SOAT1: variants seen among roughly 807,000 people sequenced by gnomAD.
SOAT1 encodes the protein sterol O-acyltransferase 1.
A neutral mutation model predicts 69.5 loss-of-function variants in SOAT1; 55 were observed. The ratio of observed to expected loss-of-function variants is 0.79; its 90% CI spans 0.64 to 0.99. The LOEUF (loss-of-function observed/expected upper bound fraction) is 0.99, where lower values mean the gene tolerates loss of function less well. Among genes scored for constraint, SOAT1 ranks in the 50% least tolerant of loss-of-function variants. The probability of loss-of-function intolerance (pLI) is 0.00; values close to 1 mark genes in which losing one functional copy is unlikely to be tolerated. For missense variants in SOAT1, 580 were observed against 669.3 expected (o/e 0.87, Z 1.47); for synonymous variants, 231 against 224.7 (o/e 1.03, Z -0.25).
At chr1:179,297,693 C>T (rs535068505) in intron 1 of SOAT1, among the ~76,000 whole-genome samples, 1 of 146,990 alleles carries the variant, frequency 6.8e-6, no homozygotes, top group South Asian at 2.2e-4. Context: ...AAGATCATGC[C>T]ACTGCACTTC....
rs562716413 is a variant in SOAT1 at position 179,346,368 on chromosome 1, C to T, written c.1118-1232C>T. ...GATGGACATATAAATGGATATTTTA[C>T]AATATATTGTAATATGTACTACATA... On this transcript the variant is annotated intron_variant, in intron 11 of 15. Coordinates refer to ENST00000367619, the MANE Select transcript of SOAT1 (RefSeq NM_003101.6). Among the ~76,000 whole-genome samples, 9 of 152,208 alleles carry T rather than the reference C, an allele frequency of 5.9e-5. No homozygotes were observed. In the South Asian group the frequency reaches 1.5e-3, roughly 25 times the overall value.
intron 10 of SOAT1, 78 bp downstream of exon 10, chr1:179,343,713 A>G: frequency 1.9e-6 from 2 of 1,034,398 alleles, no homozygotes; most frequent in East Asian, 5.2e-5. Flanking sequence ...TAATCTAGTT[A>G]AATCTAATTG....
At position 179,335,117 on chromosome 1, in the gene SOAT1, A is replaced by G. The variant is rs1666105073; in HGVS notation, c.178-389A>G. 2.6e-5 allele frequency among the ~76,000 whole-genome samples: 4 copies of G among 151,822 alleles called. No individual in the cohort carries two copies. In the South Asian group the frequency reaches 8.3e-4, roughly 32 times the overall value. ...AGTGCCGCCTGCCTGTAATTCTAACATTTTGGGAAGCTGAGGCGGGAAGAT... is the reference window on the plus strand; with the variant it reads ...AGTGCCGCCTGCCTGTAATTCTAACGTTTTGGGAAGCTGAGGCGGGAAGAT... On this transcript the variant is annotated intron_variant, in intron 3 of 15. Transcript: ENST00000367619.
rs1386674931 is a variant in SOAT1, at chr1:179,351,261, C to A, written c.1451-56C>A. 10 of 1,519,368 alleles carry A rather than the reference C, an allele frequency of 6.6e-6. No homozygotes were observed. The African/African-American group carries it at 1.4e-4, about 21-fold the overall frequency. 94.1% of individuals were successfully genotyped at this position (1,519,368 alleles called of 1,614,324 possible). ...GTTTCACCATGTTGGCCAGGCTGGT[C>A]TCGAACTTCTGACCTCTGATAACTG... On this transcript the variant is annotated intron_variant, in intron 14 of 15. Transcript: ENST00000367619.
intron 2 of SOAT1, among the ~76,000 whole-genome samples, chr1:179,308,670 CAAAAA>C (rs552539528): frequency 1.0e-5 from 1 of 99,310 alleles, no homozygotes; most frequent in Non-Finnish European, 1.9e-5. Flanking sequence ...AGACTCCGTC[CAAAAA>C]AAAAAAAAAA....
intron 12 of SOAT1, among the ~76,000 whole-genome samples, 192 bp downstream of exon 12, chr1:179,347,889 C>T (rs923522950): frequency 6.6e-6 from 1 of 152,196 alleles, no homozygotes; most frequent in African/African-American, 2.4e-5. Context: ...GTGTTTTCTT[C>T]TGTCTCTAAT....
chr1:179,295,442 T>A (rs1011685652), intron 1 of SOAT1, among the ~76,000 whole-genome samples: 11 of 152,362 alleles, frequency 7.2e-5, no homozygotes, highest in African/African-American at 2.6e-4. Context: ...TTAGTTGCTT[T>A]GTTTCCTCTG....
At chr1:179,338,361 C>G (rs1666227065) in intron 5 of SOAT1, among the ~76,000 whole-genome samples, 2 of 152,132 alleles carry the variant, frequency 1.3e-5, no homozygotes, top group South Asian at 4.1e-4. Context: ...TGCACTCCAG[C>G]CTGAGCACCA....
At chr1:179,318,917 A>G (rs762015120) in intron 2 of SOAT1, among the ~76,000 whole-genome samples, 1 of 152,184 alleles carries the variant, frequency 6.6e-6, no homozygotes, top group Admixed American at 6.5e-5. Flanking sequence ...GAATATTCAT[A>G]TACAAGTTTT....
chr1:179,352,772 C>A (rs1199999121), intron 15 of SOAT1, among the ~76,000 whole-genome samples: 1 of 151,362 alleles, frequency 6.6e-6, no homozygotes, highest in Non-Finnish European at 1.5e-5. Context: ...CCAAAGCTTC[C>A]CCTCTTTCTG....
chr1:179,347,748 A>C, intron 12 of SOAT1, 51 bp downstream of exon 12: 1 of 1,031,820 alleles, frequency 9.7e-7, no homozygotes, highest in South Asian at 1.5e-5. Flanking sequence ...TAACTTCTTC[A>C]TTATTAGTAT....
chr1:179,294,465 G>A (rs986458619), intron 1 of SOAT1: 1 of 152,144 alleles, frequency 6.6e-6, no homozygotes, highest in Non-Finnish European at 1.5e-5. Context: ...ATATTGAAAG[G>A]TTATTTCTAA....
At chr1:179,304,819 T>C (rs959225119) in intron 2 of SOAT1, among the ~76,000 whole-genome samples, 6 of 151,802 alleles carry the variant, frequency 4.0e-5, no homozygotes, top group Admixed American at 3.9e-4. Context: ...TGGCTAATTT[T>C]TGTATTTTAA....
chr1:179,351,021 C>T lies in SOAT1; in HGVS notation c.1451-296C>T, dbSNP rs1324436816. Among the ~76,000 whole-genome samples the T allele has an allele frequency of 2.8e-3, 355 of 127,554 alleles. 3 individuals carry two copies. Among genetic ancestry groups the T allele is most frequent in the Middle Eastern group, 0.017 (4 of 240 alleles). The allele number at this position is 127,554 out of a possible 152,430, so 83.7% of individuals were successfully genotyped here. A position where few individuals can be genotyped will look rare whatever the true frequency, so the allele number is the denominator to read the frequency against. On this transcript the variant is annotated intron_variant, in intron 14 of 15. Transcript: ENST00000367619. ...TGTTTTGATACCTGTATATTTCTTT[C>T]TTTTTTTTTTTTTTTTTTTTTTTTT...
At chr1:179,343,710 G>A in intron 10 of SOAT1, 75 bp downstream of exon 10, 1 of 1,068,784 alleles carries the variant, frequency 9.4e-7, no homozygotes. Flanking sequence ...ATATAATCTA[G>A]TTAAATCTAA....
chr1:179,336,567 T>C (rs2124984651), intron 4 of SOAT1, among the ~76,000 whole-genome samples: 1 of 151,794 alleles, frequency 6.6e-6, no homozygotes. Context: ...AACCAAACAG[T>C]GATCCTATGA....
chr1:179,333,930 G>A (rs1364133275), intron 3 of SOAT1, among the ~76,000 whole-genome samples: 2 of 152,182 alleles, frequency 1.3e-5, no homozygotes, highest in African/African-American at 2.4e-5. Flanking sequence ...CCAAATGGGA[G>A]GTCAGAAGCT....
At chr1:179,309,876 TTG>T (rs1478465612) in intron 2 of SOAT1, among the ~76,000 whole-genome samples, 1 of 151,946 alleles carries the variant, frequency 6.6e-6, no homozygotes, top group South Asian at 2.1e-4. Flanking sequence ...AATTTTTTTT[TTG>T]TTTGTTTTTG....
chr1:179,309,381 C>T (rs1033987347), intron 2 of SOAT1, among the ~76,000 whole-genome samples: 2 of 152,074 alleles, frequency 1.3e-5, no homozygotes, highest in African/African-American at 4.8e-5. Flanking sequence ...TGCACCTGGC[C>T]AGGATACATT....
Sources: allele counts gnomAD v4.1 joint callset (sites outside exome capture counted in the v4.1 genomes callset), GRCh38; gene constraint gnomAD v4.1.1; transcripts MANE v1.5; gene names NCBI Gene and HGNC (gene_info 2026-07-23, HGNC 2026-07-21).